The following SARS1 variants were observed in gnomAD, a reference collection of about 807,000 sequenced individuals.
The protein encoded by SARS1 is seryl-tRNA synthetase 1, also known as serine--tRNA ligase, cytoplasmic.
In SARS1, 25 loss-of-function variants were observed where a neutral mutation model predicts 63.7. That is an observed-to-expected ratio of 0.39 (90% confidence interval 0.29 to 0.55). SARS1 has a LOEUF of 0.55. Among genes scored for constraint, SARS1 ranks in the 20% least tolerant of loss-of-function variants. SARS1 has a pLI of 0.62. For synonymous variants in SARS1, 231 were observed against 243.5 expected (o/e 0.95, Z 0.48); for missense variants, 417 against 649.7 (o/e 0.64, Z 3.89).
intron 9 of SARS1, 153 bp downstream of exon 9, chr1:109,236,701 A>G (rs1332898960): frequency 1.3e-6 from 2 of 1,494,252 alleles, no homozygotes; most frequent in East Asian, 2.4e-5. Context: ...AATGCCTTCT[A>G]CTGAGTCAGG....
chr1:109,214,186 A>T lies in SARS1; in HGVS notation c.136+58A>T, dbSNP rs1654732057. The T allele has an allele frequency of 2.5e-5, 39 of 1,569,974 alleles. No individual in the cohort carries two copies. Among genetic ancestry groups the T allele is most frequent in the Admixed American group, 5.3e-5 (3 of 56,380 alleles). On this transcript the variant is annotated intron_variant, in intron 1 of 10. Transcript: ENST00000234677. This position sits in a 1 kb window ranked among gnomAD's most constrained non-coding sequence, Gnocchi z 4.6. ...ATGCTAAACCCAATTTTCTCTCTCA[A>T]ATCCAGCCACCGCTCCTGAGGCCAC...
chr1:109,234,864 G>A (rs1384383151), intron 6 of SARS1, among the ~76,000 whole-genome samples: 2 of 152,230 alleles, frequency 1.3e-5, no homozygotes, highest in Non-Finnish European at 2.9e-5. Context: ...TACTCAGGAG[G>A]CTGAGGTGGG....
chr1:109,226,356 CTTT>C (rs1167915724), intron 2 of SARS1, among the ~76,000 whole-genome samples: 2 of 129,098 alleles, frequency 1.5e-5, no homozygotes. Flanking sequence ...TTTGTTCTTT[CTTT>C]TTTTTTTTTT....
At chr1:109,221,351 G>A (rs1217411043) in intron 1 of SARS1, among the ~76,000 whole-genome samples, 2 of 152,072 alleles carry the variant, frequency 1.3e-5, no homozygotes, top group Admixed American at 6.6e-5. Flanking sequence ...GAGCCACTGC[G>A]TCCGGCCACA....
chr1:109,219,262 C>CATATAGATATATATATAT (rs1654866183), intron 1 of SARS1, among the ~76,000 whole-genome samples: 1 of 76,936 alleles, frequency 1.3e-5, no homozygotes, highest in Non-Finnish European at 2.8e-5. Context: ...CAAGACTCTC[C>CATATAGATATATATATAT]ATATATATAT....
In SARS1 at chr1:109,236,333, G is replaced by A. The variant is rs1490728830; in HGVS notation, c.1100-58G>A. 4 of 1,528,544 alleles carry A rather than the reference G, an allele frequency of 2.6e-6. No individual in the cohort carries two copies. The Admixed American group carries it at 7.6e-5, about 29-fold the overall frequency. The allele number at this position is 1,528,544 out of a possible 1,614,324, so 94.7% of individuals were successfully genotyped here. A position where few individuals can be genotyped will look rare whatever the true frequency, so the allele number is the denominator to read the frequency against. ...TAAAGAATTCTTCAGGCTTGCTAAA[G>A]GTTAGCCTTCTGAAATACCATCCCT... On this transcript the variant is annotated intron_variant, in intron 8 of 10. Transcript: ENST00000234677.
intron 1 of SARS1, chr1:109,216,678 A>T (rs1324664334): frequency 1.2e-6 from 1 of 812,434 alleles, no homozygotes; most frequent in African/African-American, 1.9e-5. Context: ...TGTGTCACCC[A>T]GGCATGATCA....
Position 109,214,906 on chromosome 1 carries a change from T to C in SARS1, c.136+778T>C. On this transcript the variant is annotated intron_variant, in intron 1 of 10. Coordinates refer to ENST00000234677, the MANE Select transcript of SARS1 (RefSeq NM_006513.4). The surrounding 1 kb of genome is among the most constrained non-coding windows in gnomAD (Gnocchi z 4.6). ...TCTATCATGAAGCCGAATAAAACCA[T>C]AGAACCATCTGCCCATAAATCTCTG... The C allele has an allele frequency of 2.1e-5, 21 of 985,402 alleles. No homozygotes were observed. Among genetic ancestry groups the C allele is most frequent in the Non-Finnish European group, 2.5e-5 (21 of 829,924 alleles). The allele number at this position is 985,402 out of a possible 1,614,324, so 61.0% of individuals were successfully genotyped here.
intron 2 of SARS1, among the ~76,000 whole-genome samples, chr1:109,225,058 T>C (rs1015104975): frequency 1.1e-4 from 16 of 152,296 alleles, no homozygotes; most frequent in African/African-American, 3.9e-4. Flanking sequence ...TGAGCCAAGA[T>C]TGCGCTACTG....
rs764998344 is a variant in SARS1, at chr1:109,228,385, C to T, written c.241C>T (p.Pro81Ser). Residue 81 changes from proline (P) to serine (S), a missense_variant, in exon 3 of 11, where the codon CCA becomes TCA. Transcript: ENST00000234677. The stretch of plus-strand genomic sequence containing the variant: ...GCCAGTGGGAGATGATGAGTCTGTC[C>T]CAGAGAATGTGCTGAGTTTCGATGA... ...KEPVGDDESVPENVLSFDDLT... is the reference protein window; with the variant it reads ...KEPVGDDESVSENVLSFDDLT... The T allele has an allele frequency of 1.4e-5, 23 of 1,613,554 alleles. No homozygotes were observed. The highest frequency in any genetic ancestry group is 8.3e-5 in the Admixed American group (5 of 59,964).
intron 2 of SARS1, among the ~76,000 whole-genome samples, chr1:109,227,639 C>T (rs1170107665): frequency 6.6e-6 from 1 of 151,872 alleles, no homozygotes; most frequent in Admixed American, 6.6e-5. Flanking sequence ...CAGTGGCTCA[C>T]GCCTATAATC....
intron 1 of SARS1, among the ~76,000 whole-genome samples, chr1:109,219,712 A>G (rs1654884876): frequency 6.6e-6 from 1 of 151,990 alleles, no homozygotes; most frequent in Non-Finnish European, 1.5e-5. Context: ...CTGGGGTTTC[A>G]CCATGTTAGC....
At chr1:109,234,848 C>T (rs925248172) in intron 6 of SARS1, among the ~76,000 whole-genome samples, 1 of 152,164 alleles carries the variant, frequency 6.6e-6, no homozygotes, top group Non-Finnish European at 1.5e-5. Flanking sequence ...TGCCTGTAAT[C>T]CCAGCTACTC....
chr1:109,231,527 C>T (rs967025475), intron 5 of SARS1, 104 bp from the exon 6 acceptor site: 44 of 991,608 alleles, frequency 4.4e-5, no homozygotes, highest in Non-Finnish European at 5.9e-5. Flanking sequence ...GCTTGCCCCT[C>T]GGTAGTCCTG....
At position 109,238,004 on chromosome 1, in the gene SARS1, T is replaced by A; in HGVS notation, c.*116T>A. 8.5e-7 allele frequency: 1 copy of A among 1,170,708 alleles called. No homozygotes were observed. Among genetic ancestry groups the A allele is most frequent in the Non-Finnish European group, 1.2e-6 (1 of 820,882 alleles). 72.5% of individuals were successfully genotyped at this position (1,170,708 alleles called of 1,614,324 possible). ...ATCCCCCTGCCCCCATCTGACTGCGTAGCTGAGAGGGGAACAGTGCCATGT... is the reference window on the plus strand; with the variant it reads ...ATCCCCCTGCCCCCATCTGACTGCGAAGCTGAGAGGGGAACAGTGCCATGT... On this transcript the variant is annotated 3_prime_UTR_variant, in exon 11 of 11. Transcript: ENST00000234677.
At chr1:109,217,267 A>G (rs1390293837) in intron 1 of SARS1, 1 of 459,284 alleles carries the variant, frequency 2.2e-6, no homozygotes, top group Non-Finnish European at 2.9e-6. Context: ...ACTGAATATC[A>G]TAGCTTAGCC....
In SARS1 at chr1:109,214,486, T is replaced by C; in HGVS notation, c.136+358T>C. Reference sequence around the variant, plus strand: ...CGGCTTTCCTAACACGAATCTTTGGTCCCCCCCAGTCTTTTTCTCATCTTC... The same window carrying C: ...CGGCTTTCCTAACACGAATCTTTGGCCCCCCCCAGTCTTTTTCTCATCTTC... On this transcript the variant is annotated intron_variant, in intron 1 of 10. Coordinates refer to ENST00000234677, the MANE Select transcript of SARS1 (RefSeq NM_006513.4). This position sits in a 1 kb window ranked among gnomAD's most constrained non-coding sequence, Gnocchi z 4.6. The C allele has an allele frequency of 1.0e-6, 1 of 1,000,652 alleles. No homozygotes were observed. The highest frequency in any genetic ancestry group is 1.2e-6 in the Non-Finnish European group (1 of 826,656). 62.0% of individuals were successfully genotyped at this position (1,000,652 alleles called of 1,614,324 possible). A position where few individuals can be genotyped will look rare whatever the true frequency, so the allele number is the denominator to read the frequency against.
chr1:109,218,008 G>A (rs562335846), intron 1 of SARS1, among the ~76,000 whole-genome samples: 4 of 152,006 alleles, frequency 2.6e-5, no homozygotes, highest in South Asian at 2.1e-4. Context: ...TGGCTAACAC[G>A]GTGAAACCCC....
chr1:109,226,227 T>C (rs1392190488), intron 2 of SARS1, among the ~76,000 whole-genome samples: 1 of 151,460 alleles, frequency 6.6e-6, no homozygotes, highest in Non-Finnish European at 1.5e-5. Flanking sequence ...CTTTTTAAGA[T>C]GATTTTGCTC....
Sources: allele counts gnomAD v4.1 joint callset (sites outside exome capture counted in the v4.1 genomes callset), GRCh38; gene constraint gnomAD v4.1.1; non-coding constraint Gnocchi (gnomAD v3.1); transcripts MANE v1.5; gene names NCBI Gene and HGNC (gene_info 2026-07-23, HGNC 2026-07-21).